KANSL1L: variants seen among roughly 807,000 people sequenced by gnomAD.
The protein encoded by KANSL1L is KAT8 regulatory NSL complex subunit 1 like, also known as KAT8 regulatory NSL complex subunit 1-like protein.
Under a neutral mutation model 108.6 loss-of-function variants are expected in KANSL1L, and 25 were observed. That is an observed-to-expected ratio of 0.23 (90% CI 0.17 to 0.32). The LOEUF (loss-of-function observed/expected upper bound fraction) is 0.32, where lower values mean the gene tolerates loss of function less well. Among genes scored for constraint, KANSL1L ranks in the 10% least tolerant of loss-of-function variants. KANSL1L has a pLI of 1.00. For synonymous variants in KANSL1L, 405 were observed against 395.1 expected, an observed-to-expected ratio of 1.03 and a Z score of -0.30; for missense variants, 1,137 against 1,125.7, an observed-to-expected ratio of 1.01 and a Z score of -0.14.
At chr2:210,142,972 T>C (rs555652038) in intron 2 of KANSL1L, among the ~76,000 whole-genome samples, 1 of 152,206 alleles carries the variant, frequency 6.6e-6, no homozygotes, top group Non-Finnish European at 1.5e-5. Context: ...TGGCCTAAAC[T>C]ATAGTTCCAG....
At chr2:210,142,658 CTG>C (rs1389269934) in intron 2 of KANSL1L, among the ~76,000 whole-genome samples, 3 of 152,040 alleles carry the variant, frequency 2.0e-5, no homozygotes, top group Admixed American at 6.6e-5. Flanking sequence ...GTTTTGTAAA[CTG>C]TGTTTCCATT....
intron 2 of KANSL1L, among the ~76,000 whole-genome samples, chr2:210,148,410 G>A (rs1430928159): frequency 6.6e-6 from 1 of 152,074 alleles, no homozygotes; most frequent in Non-Finnish European, 1.5e-5. Context: ...TTTTGTCAGC[G>A]ACTCACCCAC....
chr2:210,146,858 A>C (rs911626363), intron 2 of KANSL1L, among the ~76,000 whole-genome samples: 3 of 152,192 alleles, frequency 2.0e-5, no homozygotes, highest in African/African-American at 7.2e-5. Context: ...ATAATATCTT[A>C]ATTTTTCCTT....
chr2:210,104,825 G>A (rs1204492866), intron 3 of KANSL1L, among the ~76,000 whole-genome samples: 1 of 152,082 alleles, frequency 6.6e-6, no homozygotes, highest in African/African-American at 2.4e-5. Context: ...CTGTCAGCCA[G>A]CAACCAGGGA....
chr2:210,151,654 G>C (rs2095304404), intron 2 of KANSL1L: 1 of 152,142 alleles, frequency 6.6e-6, no homozygotes, highest in Non-Finnish European at 1.5e-5. Context: ...CCCATGCTGA[G>C]TCTGTTTCTT....
intron 3 of KANSL1L, among the ~76,000 whole-genome samples, chr2:210,120,234 C>CA (rs974217477): frequency 1.7e-4 from 25 of 151,486 alleles, no homozygotes; most frequent in African/African-American, 5.8e-4. Flanking sequence ...TACTAAAATA[C>CA]AAAAAAAATT....
At chr2:210,117,617 A>C (rs759621200) in intron 3 of KANSL1L, among the ~76,000 whole-genome samples, 4 of 152,190 alleles carry the variant, frequency 2.6e-5, no homozygotes, top group African/African-American at 7.2e-5. Flanking sequence ...GAAAGAAAAA[A>C]ACTTTTATCC....
At chr2:210,085,659 C>T (rs1203510065) in intron 5 of KANSL1L, among the ~76,000 whole-genome samples, 2 of 151,854 alleles carry the variant, frequency 1.3e-5, no homozygotes, top group Non-Finnish European at 2.9e-5. Context: ...CATTTATACC[C>T]TTCACATCTT....
chr2:210,067,600 G>A (rs1445043401), intron 6 of KANSL1L, among the ~76,000 whole-genome samples: 1 of 151,644 alleles, frequency 6.6e-6, no homozygotes, highest in Non-Finnish European at 1.5e-5. Flanking sequence ...CTACTCCGGA[G>A]GCTGAGGTGG....
chr2:210,112,147 G>A (rs1403728661), intron 3 of KANSL1L, among the ~76,000 whole-genome samples: 1 of 152,074 alleles, frequency 6.6e-6, no homozygotes, highest in Non-Finnish European at 1.5e-5. Flanking sequence ...TGGACATTTA[G>A]GTTGGTTCCA....
chr2:210,171,340 C>T lies in KANSL1L; in HGVS notation c.-221G>A, dbSNP rs1414322301. ...CCGCCGCCGCCGCCGCCGCCGCCGC[C>T]GCGGTTTAACAGTCCGCCCGCTGCC... On this transcript the variant is annotated 5_prime_UTR_variant, in exon 1 of 15. Coordinates refer to ENST00000281772, the MANE Select transcript of KANSL1L (RefSeq NM_152519.4). 5.6e-6 allele frequency: 1 copy of T among 178,112 alleles called. No homozygotes were observed. Among genetic ancestry groups the T allele is most frequent in the Non-Finnish European group, 1.1e-5 (1 of 89,622 alleles). The allele number at this position is 178,112 out of a possible 1,614,324, so 11.0% of individuals were successfully genotyped here.
At chr2:210,051,574 A>T (rs539963861) in intron 6 of KANSL1L, among the ~76,000 whole-genome samples, 2 of 152,312 alleles carry the variant, frequency 1.3e-5, no homozygotes, top group African/African-American at 4.8e-5. Context: ...TCATGTGAAA[A>T]TAATGACAGT....
At chr2:210,140,417 T>C (rs1314169096) in intron 2 of KANSL1L, among the ~76,000 whole-genome samples, 1 of 152,224 alleles carries the variant, frequency 6.6e-6, no homozygotes, top group Non-Finnish European at 1.5e-5. Context: ...AGACTATCCC[T>C]TCCTCATTGT....
chr2:210,085,136 T>G (rs192597132), intron 5 of KANSL1L, among the ~76,000 whole-genome samples: 11 of 152,260 alleles, frequency 7.2e-5, no homozygotes, highest in Non-Finnish European at 1.5e-4. Context: ...GATAATAAAG[T>G]GGTAGGTATG....
At chr2:210,079,622 A>ATG (rs1206962739) in intron 5 of KANSL1L, among the ~76,000 whole-genome samples, 3 of 1,818 alleles carry the variant, frequency 1.7e-3, no homozygotes, top group African/African-American at 2.4e-3. Context: ...GTATATATAT[A>ATG]TATATATATA....
chr2:210,079,451 C>G (rs1253148927), intron 5 of KANSL1L, among the ~76,000 whole-genome samples: 1 of 150,666 alleles, frequency 6.6e-6, no homozygotes, highest in East Asian at 1.9e-4. Context: ...CAAAAATTAG[C>G]TGGCCCTGGT....
intron 6 of KANSL1L, among the ~76,000 whole-genome samples, chr2:210,045,734 A>AT (rs1437148114): frequency 3.3e-5 from 5 of 151,540 alleles, no homozygotes; most frequent in African/African-American, 1.2e-4. Flanking sequence ...TGGGTTGGCT[A>AT]TTTTTTTTCA....
chr2:210,060,507 A>G (rs2094408144), intron 6 of KANSL1L, among the ~76,000 whole-genome samples: 1 of 152,250 alleles, frequency 6.6e-6, no homozygotes, highest in African/African-American at 2.4e-5. Context: ...TGAAAAAATT[A>G]TCCTGCTCAA....
At chr2:210,102,917 C>T (rs941257162) in intron 4 of KANSL1L, among the ~76,000 whole-genome samples, 5 of 152,096 alleles carry the variant, frequency 3.3e-5, no homozygotes, top group African/African-American at 7.2e-5. Context: ...GGCGATTCCT[C>T]GAGGATCTAG....
Sources: gnomAD v4.1 joint callset for allele counts (sites outside exome capture counted in the v4.1 genomes callset) on GRCh38, gnomAD v4.1.1 for gene constraint, MANE v1.5 for transcripts, NCBI Gene and HGNC (gene_info 2026-07-23, HGNC 2026-07-21) for gene names.